PLIN3: variants seen among roughly 807,000 people sequenced by gnomAD.
PLIN3 encodes the protein perilipin 3, also known as perilipin-3.
PLIN3 carries 30 observed loss-of-function variants against 35.9 expected under a neutral mutation model. The ratio of observed to expected loss-of-function variants is 0.84; its 90% CI spans 0.62 to 1.13. PLIN3 has a LOEUF of 1.13. Among genes scored for constraint, PLIN3 ranks in the 50% most tolerant of loss-of-function variants. PLIN3 has a pLI of 0.00. For missense variants in PLIN3, 603 were observed against 596.9 expected (o/e 1.01, Z -0.11); for synonymous variants, 261 against 262.5 (o/e 0.99, Z 0.06).
rs1330764422 is a variant in PLIN3 at position 4,859,906 on chromosome 19, G to A, written c.185C>T (p.Ala62Val). The part of the protein sequence containing the change: ...SYPHIKTVCD[A>V]AEKGVRTLTA... ...GAGGGTCCTCACTCCCTTCTCTGCT[G>A]CGTCGCAGACAGTCTTGATGTGCGG... Residue 62 changes from alanine to valine, a missense_variant, in exon 3 of 8, where the codon GCA becomes GTA. Physicochemically the swap from Ala to Val is moderately conservative, Grantham distance 64. Transcript: ENST00000221957. 2.5e-6 allele frequency: 4 copies of A among 1,613,968 alleles called. No individual in the cohort carries two copies. Among genetic ancestry groups the A allele is most frequent in the Non-Finnish European group, 3.4e-6 (4 of 1,180,016 alleles).
rs1555734885 is a variant in PLIN3, at chr19:4,855,254, A to AG, written c.349-2954_349-2953insC. 5.8e-3 allele frequency among the ~76,000 whole-genome samples: 520 copies of AG among 90,194 alleles called. 8 individuals carry two copies. The highest frequency in any genetic ancestry group is 0.011 in the African/African-American group (282 of 26,426). The allele number at this position is 90,194 out of a possible 152,430, so 59.2% of individuals were successfully genotyped here. On this transcript the variant is annotated intron_variant, in intron 4 of 7. Transcript: ENST00000221957. ...AACAGAACGAGACTCCATCTGAAAA[A>AG]AAAAAAAAAAAAAAAAAAAAGCTCC...
At chr19:4,842,480 G>A (rs541765029) in intron 7 of PLIN3, among the ~76,000 whole-genome samples, 31 of 150,552 alleles carry the variant, frequency 2.1e-4, no homozygotes, top group African/African-American at 5.6e-4. Flanking sequence ...GGTGCCTGTA[G>A]TCTCAGCTAC....
chr19:4,860,497 T>C (rs2656948), intron 2 of PLIN3, among the ~76,000 whole-genome samples: 83,316 of 151,620 alleles, frequency 0.55, 23,443 homozygotes, highest in Non-Finnish European at 0.61. Context: ...GCCACCGCAC[T>C]CAGCCCACGT....
At position 4,847,839 on chromosome 19, in the gene PLIN3, T is replaced by C. The variant is rs2030157423; in HGVS notation, c.686A>G (p.Gln229Arg). 1 of 1,613,524 alleles carries C rather than the reference T, an allele frequency of 6.2e-7. No individual in the cohort carries two copies. The highest frequency in any genetic ancestry group is 8.5e-7 in the Non-Finnish European group (1 of 1,179,734). ...DGFDVASVQQ[Q>R]RQEQSYFVRL... ...TACGAAGTAGCTCTGTTCCTGCCGC[T>C]GCTGCTGCACGGACGCGACGTCAAA... The change falls in exon 6 of 8, where the codon CAG becomes CGG. Residue 229 changes from glutamine to arginine, a missense_variant. By Grantham distance (43) the Gln-to-Arg change is conservative (BLOSUM62 1). Transcript: ENST00000221957.
chr19:4,865,881 G>A (rs1418847616), intron 1 of PLIN3, among the ~76,000 whole-genome samples: 8 of 151,256 alleles, frequency 5.3e-5, no homozygotes, highest in Non-Finnish European at 1.0e-4. Context: ...CCGCCACCAC[G>A]CCTGGCTAAT....
intron 1 of PLIN3, among the ~76,000 whole-genome samples, chr19:4,865,488 C>CAA (rs577302869): frequency 2.0e-4 from 27 of 133,870 alleles, no homozygotes; most frequent in East Asian, 6.5e-4. Context: ...GACTCCGTTT[C>CAA]AAAAAAAAAA....
chr19:4,859,201 T>C (rs1375788385), intron 4 of PLIN3, among the ~76,000 whole-genome samples: 2 of 152,164 alleles, frequency 1.3e-5, no homozygotes, highest in African/African-American at 2.4e-5. Flanking sequence ...TAAATGGGCA[T>C]GGCTGTGTGC....
chr19:4,863,452 GCGCC>G (rs1294754290), intron 1 of PLIN3, among the ~76,000 whole-genome samples: 1 of 149,724 alleles, frequency 6.7e-6, no homozygotes, highest in Non-Finnish European at 1.5e-5. Flanking sequence ...AGCCGAGATC[GCGCC>G]GCTGCACTCC....
chr19:4,859,464 T>C (rs1314903372), intron 4 of PLIN3, 126 bp downstream of exon 4: 2 of 805,664 alleles, frequency 2.5e-6, no homozygotes, highest in African/African-American at 1.7e-5. Flanking sequence ...GGGGTGGGGA[T>C]GGGAACCGAC....
chr19:4,844,249 A>T (rs1033952253), intron 7 of PLIN3, among the ~76,000 whole-genome samples: 1 of 152,124 alleles, frequency 6.6e-6, no homozygotes, highest in Non-Finnish European at 1.5e-5. Context: ...GGATCACTTG[A>T]GGTCAGGAGT....
At chr19:4,858,187 C>T (rs1270102607) in intron 4 of PLIN3, among the ~76,000 whole-genome samples, 6 of 141,586 alleles carry the variant, frequency 4.2e-5, no homozygotes, top group Admixed American at 7.6e-5. Flanking sequence ...GCAGGAGAAT[C>T]GCTGGAACCC....
In PLIN3 at chr19:4,861,316, G is replaced by A. The variant is rs763601590; in HGVS notation, c.66+13C>T. 2.3e-5 allele frequency: 37 copies of A among 1,611,518 alleles called. No individual in the cohort carries two copies. Among genetic ancestry groups the A allele is most frequent in the Admixed American group, 1.2e-4 (7 of 59,980 alleles). ...CAGGGTCGGGGCAGTCCCTGGTCCCGGCCCTTCCTCACCTGCTGTACCGGT... is the reference window on the plus strand; with the variant it reads ...CAGGGTCGGGGCAGTCCCTGGTCCCAGCCCTTCCTCACCTGCTGTACCGGT... On this transcript the variant is annotated intron_variant, in intron 2 of 7. Transcript: ENST00000221957.
chr19:4,841,720 G>C (rs1234895483), intron 7 of PLIN3, among the ~76,000 whole-genome samples: 1 of 151,282 alleles, frequency 6.6e-6, no homozygotes, highest in Non-Finnish European at 1.5e-5. Context: ...GGCTAACATG[G>C]TGAAACCCCA....
intron 4 of PLIN3, among the ~76,000 whole-genome samples, chr19:4,854,354 G>A (rs1483484174): frequency 6.6e-6 from 1 of 151,988 alleles, no homozygotes; most frequent in Non-Finnish European, 1.5e-5. Flanking sequence ...GTACTCATGA[G>A]AGTTCATCTT....
intron 7 of PLIN3, among the ~76,000 whole-genome samples, chr19:4,841,743 A>C (rs781513586): frequency 2.0e-5 from 3 of 151,626 alleles, no homozygotes; most frequent in African/African-American, 4.8e-5. Flanking sequence ...TCTACTAAAA[A>C]AACACAAAAA....
At chr19:4,839,724 G>A (rs1340055569) in intron 7 of PLIN3, among the ~76,000 whole-genome samples, 188 bp from the exon 8 acceptor site, 2 of 151,102 alleles carry the variant, frequency 1.3e-5, no homozygotes, top group Non-Finnish European at 2.9e-5. Context: ...GGAGTGCAGT[G>A]GCACAATCTC....
chr19:4,856,073 A>G (rs992224586), intron 4 of PLIN3, among the ~76,000 whole-genome samples: 12 of 152,126 alleles, frequency 7.9e-5, no homozygotes, highest in African/African-American at 2.9e-4. Flanking sequence ...AAGTGGATGA[A>G]TAAGCTGCCT....
chr19:4,857,964 G>A (rs1322508227), intron 4 of PLIN3, among the ~76,000 whole-genome samples: 13 of 144,846 alleles, frequency 9.0e-5, no homozygotes, highest in Non-Finnish European at 1.7e-4. Flanking sequence ...CAACAAGAGC[G>A]AAACTCCATC....
rs1296048595 is a variant in PLIN3 at position 4,860,035 on chromosome 19, G to A, written c.67-11C>T. The A allele has an allele frequency of 6.2e-7, 1 of 1,613,552 alleles. No homozygotes were observed. Among genetic ancestry groups the A allele is most frequent in the African/African-American group, 1.3e-5 (1 of 74,904 alleles). ...GTCCACCACACTGGGCTACAGGAGA[G>A]AAGTGGCTCAGGCAAACTGGGTGGG... On this transcript the variant is annotated splice_polypyrimidine_tract_variant and intron_variant, in intron 2 of 7. Transcript: ENST00000221957.
Sources: gnomAD v4.1 joint callset for allele counts (sites outside exome capture counted in the v4.1 genomes callset) on GRCh38, gnomAD v4.1.1 for gene constraint, MANE v1.5 for transcripts, NCBI Gene and HGNC (gene_info 2026-07-23, HGNC 2026-07-21) for gene names.